COL27A1: variants seen among roughly 807,000 people sequenced by gnomAD.
COL27A1 encodes collagen type XXVII alpha 1 chain.
In COL27A1, 106 loss-of-function variants were observed where a neutral mutation model predicts 251.3. The ratio of observed to expected loss-of-function variants is 0.42; its 90% CI spans 0.36 to 0.50. The LOEUF (loss-of-function observed/expected upper bound fraction) is 0.50, where lower values mean the gene tolerates loss of function less well. Ranked by LOEUF, COL27A1 falls within the 20% of genes least tolerant of loss-of-function variation. The pLI, the probability that COL27A1 is intolerant of heterozygous loss-of-function variation, is 0.00. For missense variants in COL27A1, 2,325 were observed against 2,522.8 expected (o/e 0.92, Z 1.68); for synonymous variants, 1,000 against 986.3 (o/e 1.01, Z -0.26).
Position 114,301,082 on chromosome 9 carries a change from G to T in COL27A1, c.4712G>T (p.Gly1571Val), listed in dbSNP as rs749171158. 6.2e-7 allele frequency: 1 copy of T among 1,611,064 alleles called. No individual in the cohort carries two copies. The highest frequency in any genetic ancestry group is 8.5e-7 in the Non-Finnish European group (1 of 1,178,522). Residue 1571 changes from glycine to valine, a missense_variant, in exon 52 of 61, where the codon GGC becomes GTC. This residue lies in a region of COL27A1 where 327 missense variants were observed against 442.8 expected (regional missense o/e 0.74). Transcript: ENST00000356083. ...RGPPGLMGKE[G>V]IVGPLGILGP... ...TTCTGTCTCCTTTAGGGAAAGGAAG[G>T]CATCGTCGGGCCCCTCGGAATCCTG... is the stretch of plus-strand genomic sequence containing the variant.
At position 114,290,382 on chromosome 9, in the gene COL27A1, T is replaced by C; in HGVS notation, c.4368+51T>C. 6.9e-7 allele frequency: 1 copy of C among 1,459,318 alleles called. No homozygotes were observed. The highest frequency in any genetic ancestry group is 2.0e-5 in the Admixed American group (1 of 50,942). 90.4% of individuals were successfully genotyped at this position (1,459,318 alleles called of 1,614,324 possible). A position where few individuals can be genotyped will look rare whatever the true frequency, so the allele number is the denominator to read the frequency against. On this transcript the variant is annotated intron_variant, in intron 47 of 60. Coordinates refer to ENST00000356083, the MANE Select transcript of COL27A1 (RefSeq NM_032888.4). This position sits in a 1 kb window ranked among gnomAD's most constrained non-coding sequence, Gnocchi z 4.6. ...TGGTGGCTCCATTTGGGACCAGGTG[T>C]AGGGGAACTTCCCCAGGCCATGGGC... is the stretch of plus-strand genomic sequence containing the variant.
Position 114,309,575 on chromosome 9 carries a change from AT to A in COL27A1, c.5436+101del, listed in dbSNP as rs1361543966. 4.8e-6 allele frequency: 4 copies of A among 827,240 alleles called. No homozygotes were observed. The East Asian group carries it at 1.1e-4, about 22-fold the overall frequency. The allele number at this position is 827,240 out of a possible 1,614,324, so 51.2% of individuals were successfully genotyped here. ...TTTCTATTATAAGATTATATCTAAC[AT>A]TTTAATAGTATACTATATTAATGTG... On this transcript the variant is annotated intron_variant, in intron 60 of 60. Coordinates refer to ENST00000356083, the MANE Select transcript of COL27A1 (RefSeq NM_032888.4).
intron 35 of COL27A1, among the ~76,000 whole-genome samples, chr9:114,269,614 CAAAAAA>C (rs552967033): frequency 1.3e-4 from 9 of 69,222 alleles, no homozygotes; most frequent in Admixed American, 9.1e-4. Context: ...GACTCCATCT[CAAAAAA>C]AAAAAAAAAA....
At chr9:114,306,413 G>A in intron 57 of COL27A1, 107 bp from the exon 58 acceptor site, 1 of 1,146,272 alleles carries the variant, frequency 8.7e-7, no homozygotes, top group Non-Finnish European at 1.2e-6. Context: ...CCATGACCGT[G>A]GAACCGAGAT....
intron 12 of COL27A1, among the ~76,000 whole-genome samples, chr9:114,213,560 G>C (rs979113249): frequency 6.6e-6 from 1 of 152,164 alleles, no homozygotes; most frequent in African/African-American, 2.4e-5. Flanking sequence ...AAAAATCTCT[G>C]TTGTCATGAA....
chr9:114,268,826 C>T (rs1588832284), intron 34 of COL27A1: 1 of 163,298 alleles, frequency 6.1e-6, no homozygotes, highest in Admixed American at 6.4e-5. Flanking sequence ...GTCCCAGCTA[C>T]TTGAGAGGCT....
In COL27A1 at chr9:114,310,830, G is replaced by C; in HGVS notation, c.*135G>C. 1 of 827,422 alleles carries C rather than the reference G, an allele frequency of 1.2e-6. No homozygotes were observed. Among genetic ancestry groups the C allele is most frequent in the South Asian group, 1.8e-5 (1 of 56,420 alleles). 51.3% of individuals were successfully genotyped at this position (827,422 alleles called of 1,614,324 possible). A position where few individuals can be genotyped will look rare whatever the true frequency, so the allele number is the denominator to read the frequency against. On this transcript the variant is annotated 3_prime_UTR_variant, in exon 61 of 61. Coordinates refer to ENST00000356083, the MANE Select transcript of COL27A1 (RefSeq NM_032888.4). ...GGTCCTTGGGCAGACCCCAGCTGTT[G>C]TCTGCCCAGTAGAAGTGGGTGGGGG...
chr9:114,256,901 C>T (rs1288579545), intron 27 of COL27A1, among the ~76,000 whole-genome samples: 5 of 152,314 alleles, frequency 3.3e-5, no homozygotes, highest in African/African-American at 1.2e-4. Context: ...GCATTGCATG[C>T]CTTCTGAGCT....
intron 41 of COL27A1, 46 bp from the exon 42 acceptor site, chr9:114,288,408 TC>T: frequency 1.3e-6 from 2 of 1,588,356 alleles, no homozygotes; most frequent in Non-Finnish European, 1.7e-6. Flanking sequence ...TTCCCCACAT[TC>T]CCCAGGAGCA....
In COL27A1 at chr9:114,242,210, G is replaced by T. The variant is rs747181763; in HGVS notation, c.2859G>T (p.Pro953=). 1.1e-5 allele frequency: 17 copies of T among 1,608,092 alleles called. No homozygotes were observed. The East Asian group carries it at 2.7e-4, about 25-fold the overall frequency. Residue 953 remains proline (P), a synonymous_variant, in exon 22 of 61, where the codon CCG becomes CCT. Coordinates refer to ENST00000356083, the MANE Select transcript of COL27A1 (RefSeq NM_032888.4). The part of the protein sequence containing the change: ...GPEGDEGPMG[P]PGAPGLEGQP... ...AGGGAGATGAGGGACCCATGGGGCC[G>T]CCAGGGGCCCCTGGCTTGGAGGTGA... is the stretch of plus-strand genomic sequence containing the variant.
intron 48 of COL27A1, among the ~76,000 whole-genome samples, chr9:114,291,538 C>A (rs1827917123): frequency 6.6e-6 from 1 of 152,262 alleles, no homozygotes; most frequent in East Asian, 1.9e-4. Context: ...CACTTGAGGT[C>A]AGGAGTTCGA....
At chr9:114,170,276 G>A (rs570337239) in intron 3 of COL27A1, among the ~76,000 whole-genome samples, 4 of 152,362 alleles carry the variant, frequency 2.6e-5, no homozygotes, top group East Asian at 1.9e-4. Context: ...GAAAGAACAC[G>A]ATTTGCAGGA....
intron 10 of COL27A1, among the ~76,000 whole-genome samples, chr9:114,207,796 G>A (rs1361287129): frequency 6.6e-6 from 1 of 152,196 alleles, no homozygotes; most frequent in Non-Finnish European, 1.5e-5. Context: ...CAAGTCACTG[G>A]GCCTCTCTGA....
At chr9:114,270,691 G>T in intron 35 of COL27A1, 37 bp from the exon 36 acceptor site, 1 of 1,558,918 alleles carries the variant, frequency 6.4e-7, no homozygotes, top group South Asian at 1.1e-5. Context: ...CTCCTCCCCA[G>T]TAACATCTCC....
intron 34 of COL27A1, chr9:114,268,799 G>T (rs1468047953): frequency 6.4e-6 from 1 of 157,214 alleles, no homozygotes; most frequent in South Asian, 2.1e-4. Flanking sequence ...TGCCGGGCAT[G>T]GTGGCGCATG....
intron 22 of COL27A1, among the ~76,000 whole-genome samples, chr9:114,242,992 C>G (rs1300655738): frequency 6.6e-6 from 1 of 152,198 alleles, no homozygotes; most frequent in African/African-American, 2.4e-5. Flanking sequence ...CTTCTGCATT[C>G]AATCCACTGA....
At chr9:114,180,652 C>T (rs1351646232) in intron 4 of COL27A1, among the ~76,000 whole-genome samples, 4 of 152,162 alleles carry the variant, frequency 2.6e-5, no homozygotes, top group African/African-American at 7.2e-5. Flanking sequence ...CTGAGGTCGC[C>T]CAAAGCTCTC....
intron 56 of COL27A1, among the ~76,000 whole-genome samples, chr9:114,302,728 A>AAC (rs1564589239): frequency 3.7e-5 from 1 of 26,762 alleles, no homozygotes; most frequent in African/African-American, 1.4e-4. Flanking sequence ...AAAAAAAACA[A>AAC]AAAAAAAAAA....
At chr9:114,271,436 G>A (rs1835134591) in intron 36 of COL27A1, 5 of 152,492 alleles carry the variant, frequency 3.3e-5, no homozygotes, top group Admixed American at 3.3e-4. Flanking sequence ...CTCAGAGGAA[G>A]GCATAGATAC....
Sources: allele counts gnomAD v4.1 joint callset (sites outside exome capture counted in the v4.1 genomes callset), GRCh38; gene constraint gnomAD v4.1.1; regional missense constraint gnomAD v4.1.1; non-coding constraint Gnocchi (gnomAD v3.1); transcripts MANE v1.5; gene names NCBI Gene and HGNC (gene_info 2026-07-23, HGNC 2026-07-21).